Variants in PTPN4 observed in about 807,000 individuals in gnomAD.
The protein encoded by PTPN4 is protein tyrosine phosphatase non-receptor type 4, also known as tyrosine-protein phosphatase non-receptor type 4.
Under a neutral mutation model 135.5 loss-of-function variants are expected in PTPN4, and 49 were observed. The ratio of observed to expected loss-of-function variants is 0.36; its 90% CI spans 0.29 to 0.46. The LOEUF (loss-of-function observed/expected upper bound fraction) is 0.46, where lower values mean the gene tolerates loss of function less well. Ranked by LOEUF, PTPN4 falls within the 20% of genes least tolerant of loss-of-function variation. The probability of loss-of-function intolerance (pLI) is 1.00; values close to 1 mark genes in which losing one functional copy is unlikely to be tolerated. For missense variants in PTPN4, 860 were observed against 1,101.0 expected, an observed-to-expected ratio of 0.78 and a Z score of 3.10; for synonymous variants, 333 against 369.9, an observed-to-expected ratio of 0.90 and a Z score of 1.14.
chr2:119,830,519 A>G (rs1178513498), intron 2 of PTPN4, among the ~76,000 whole-genome samples: 1 of 152,012 alleles, frequency 6.6e-6, no homozygotes, highest in Non-Finnish European at 1.5e-5. Context: ...CCCAGGCTGG[A>G]GTGCAGTGGC....
chr2:119,848,409 G>T (rs1192297542), intron 2 of PTPN4, among the ~76,000 whole-genome samples: 1 of 151,746 alleles, frequency 6.6e-6, no homozygotes, highest in African/African-American at 2.4e-5. Flanking sequence ...TCCTGACCTC[G>T]TGATCCACCT....
chr2:119,815,076 G>C (rs1020314099), intron 2 of PTPN4, among the ~76,000 whole-genome samples: 1 of 152,062 alleles, frequency 6.6e-6, no homozygotes, highest in African/African-American at 2.4e-5. Flanking sequence ...CAGGCATATA[G>C]TTCTTGGGTC....
rs1478580803 is a variant in PTPN4, at chr2:119,862,660, G to A, written c.246+17G>A. ...GATAACCCAGTAAGTGTAAGATTTTGTCTTTCATTTTCATTTAGTTTTTCC... is the reference window on the plus strand; with the variant it reads ...GATAACCCAGTAAGTGTAAGATTTTATCTTTCATTTTCATTTAGTTTTTCC... On this transcript the variant is annotated intron_variant, in intron 3 of 26. Transcript: ENST00000263708. The A allele has an allele frequency of 1.3e-6, 2 of 1,572,682 alleles. No individual in the cohort carries two copies. Among genetic ancestry groups the A allele is most frequent in the East Asian group, 2.3e-5 (1 of 44,370 alleles).
At chr2:119,861,046 C>CAAAAA (rs58044995) in intron 2 of PTPN4, among the ~76,000 whole-genome samples, 7 of 112,572 alleles carry the variant, frequency 6.2e-5, no homozygotes, top group Non-Finnish European at 1.3e-4. Flanking sequence ...AACTCCATCT[C>CAAAAA]AAAAAAAAAA....
At chr2:119,784,141 G>A (rs543855439) in intron 1 of PTPN4, among the ~76,000 whole-genome samples, 158 of 152,188 alleles carry the variant, frequency 1.0e-3, no homozygotes, top group South Asian at 2.5e-3. Flanking sequence ...AAGCTAAAGG[G>A]CTTTTCTGAT....
intron 3 of PTPN4, among the ~76,000 whole-genome samples, chr2:119,863,025 A>G (rs1677783045): frequency 1.3e-5 from 2 of 152,112 alleles, no homozygotes; most frequent in South Asian, 2.1e-4. Flanking sequence ...ATAGAGAGCT[A>G]TTTCTAATAA....
intron 2 of PTPN4, among the ~76,000 whole-genome samples, chr2:119,833,226 C>T (rs949612100): frequency 2.6e-5 from 4 of 151,690 alleles, no homozygotes; most frequent in African/African-American, 9.7e-5. Flanking sequence ...TTATTCTTTC[C>T]ATGTGGCTAT....
At chr2:119,760,567 T>A (rs574799031) in intron 1 of PTPN4, among the ~76,000 whole-genome samples, 183 bp downstream of exon 1, 1 of 152,114 alleles carries the variant, frequency 6.6e-6, no homozygotes, top group Non-Finnish European at 1.5e-5. Context: ...ACGCTTTCTT[T>A]CCTTTCTTCC....
At chr2:119,952,690 G>C (rs554419572) in intron 19 of PTPN4, among the ~76,000 whole-genome samples, 1 of 152,304 alleles carries the variant, frequency 6.6e-6, no homozygotes, top group South Asian at 2.1e-4. Context: ...AGTATATGAT[G>C]TCTACTTGCC....
chr2:119,905,155 T>G (rs548416517), intron 10 of PTPN4, among the ~76,000 whole-genome samples: 1 of 152,030 alleles, frequency 6.6e-6, no homozygotes, highest in South Asian at 2.1e-4. Context: ...CTTAACAACA[T>G]TGAATGTATA....
chr2:119,807,316 T>A (rs113517413), intron 1 of PTPN4, among the ~76,000 whole-genome samples: 2 of 152,046 alleles, frequency 1.3e-5, no homozygotes, highest in African/African-American at 4.8e-5. Flanking sequence ...ATCAACAAAT[T>A]GATAGACTGC....
intron 26 of PTPN4, among the ~76,000 whole-genome samples, chr2:119,971,125 A>G (rs1679527330): frequency 6.6e-6 from 1 of 152,230 alleles, no homozygotes; most frequent in Non-Finnish European, 1.5e-5. Flanking sequence ...ATTGACTCAC[A>G]GTTCCCCAGG....
At chr2:119,958,227 C>T (rs1031776535) in intron 22 of PTPN4, among the ~76,000 whole-genome samples, 7 of 151,078 alleles carry the variant, frequency 4.6e-5, no homozygotes, top group African/African-American at 1.5e-4. Flanking sequence ...GTCCCAGCTA[C>T]TCAGGAGACT....
chr2:119,894,566 G>A (rs778057465), intron 9 of PTPN4, among the ~76,000 whole-genome samples: 2 of 152,134 alleles, frequency 1.3e-5, no homozygotes, highest in Non-Finnish European at 2.9e-5. Flanking sequence ...ATTAATGAAT[G>A]TATAAGCCTT....
chr2:119,826,110 C>A (rs905326311), intron 2 of PTPN4, among the ~76,000 whole-genome samples: 9 of 152,242 alleles, frequency 5.9e-5, no homozygotes, highest in South Asian at 4.1e-4. Flanking sequence ...CAAGATAGTT[C>A]TGATGCACAT....
chr2:119,923,191 T>C (rs1470595254), intron 12 of PTPN4, among the ~76,000 whole-genome samples: 3 of 152,026 alleles, frequency 2.0e-5, no homozygotes, highest in Non-Finnish European at 4.4e-5. Context: ...CTGGGCAACA[T>C]AGGCAGACCC....
chr2:119,927,858 T>C (rs1235095219), intron 13 of PTPN4, among the ~76,000 whole-genome samples: 1 of 152,202 alleles, frequency 6.6e-6, no homozygotes. Context: ...CCTTCCTTCT[T>C]TGTGTTTCTG....
intron 18 of PTPN4, among the ~76,000 whole-genome samples, 170 bp from the exon 19 acceptor site, chr2:119,951,801 ACT>A (rs1327178283): frequency 2.0e-5 from 3 of 152,092 alleles, no homozygotes; most frequent in Non-Finnish European, 1.5e-5. Context: ...GAACAAAAAT[ACT>A]CTCTCTGGCA....
At chr2:119,851,978 A>T (rs140468351) in intron 2 of PTPN4, among the ~76,000 whole-genome samples, 2 of 152,102 alleles carry the variant, frequency 1.3e-5, no homozygotes, top group Non-Finnish European at 2.9e-5. Flanking sequence ...AAAATGATCT[A>T]TTTCATATTA....
Sources: gnomAD v4.1 joint callset for allele counts (sites outside exome capture counted in the v4.1 genomes callset) on GRCh38, gnomAD v4.1.1 for gene constraint, MANE v1.5 for transcripts, NCBI Gene and HGNC (gene_info 2026-07-23, HGNC 2026-07-21) for gene names.